F11R: variants seen among roughly 807,000 people sequenced by gnomAD.
F11R encodes the protein junctional adhesion molecule A.
In F11R, 27 loss-of-function variants were observed where a neutral mutation model predicts 39.3. That is an observed-to-expected ratio of 0.69 (90% CI 0.51 to 0.95). The LOEUF is 0.95. Ranked by LOEUF, F11R falls within the 40% of genes least tolerant of loss-of-function variation. The probability of loss-of-function intolerance (pLI) is 0.00; values close to 1 mark genes in which losing one functional copy is unlikely to be tolerated. For missense variants in F11R, 335 were observed against 372.7 expected, an observed-to-expected ratio of 0.90 and a Z score of 0.83; for synonymous variants, 131 against 144.9, an observed-to-expected ratio of 0.90 and a Z score of 0.69.
Position 160,996,697 on chromosome 1 carries a change from CGGA to C in F11R, c.*2171_*2173del, listed in dbSNP as rs1648144394. ...AGGAGAATGGCTTGAACCCGGGAGGCGGAGGTTACAGTGAGCCAAGATCATACC... is the reference window on the plus strand; with the variant it reads ...AGGAGAATGGCTTGAACCCGGGAGGCGGTTACAGTGAGCCAAGATCATACC... On this transcript the variant is annotated 3_prime_UTR_variant, in exon 10 of 10. Transcript: ENST00000368026. The C allele has an allele frequency of 6.6e-6, 1 of 152,100 alleles. No homozygotes were observed. The highest frequency in any genetic ancestry group is 2.1e-4 in the South Asian group (1 of 4,832). 9.4% of individuals were successfully genotyped at this position (152,100 alleles called of 1,614,324 possible).
At chr1:161,004,378 G>T (rs960951526) in intron 1 of F11R, among the ~76,000 whole-genome samples, 1 of 152,136 alleles carries the variant, frequency 6.6e-6, no homozygotes, top group Non-Finnish European at 1.5e-5. Context: ...TGGCCAACGT[G>T]GCGAAACCTT....
Position 160,999,616 on chromosome 1 carries a change from G to A in F11R, c.802+24C>T, listed in dbSNP as rs773698753. The A allele has an allele frequency of 1.9e-6, 3 of 1,602,734 alleles. No homozygotes were observed. In the African/African-American group the frequency reaches 4.0e-5, roughly 21 times the overall value. On this transcript the variant is annotated intron_variant, in intron 7 of 9. Transcript: ENST00000368026. ...CCTGGGATGGGGGCAGTACAAAGGAGAGCCTCTGGGGGCAGATACTTACTG... is the reference window on the plus strand; with the variant it reads ...CCTGGGATGGGGGCAGTACAAAGGAAAGCCTCTGGGGGCAGATACTTACTG...
Position 160,999,872 on chromosome 1 carries a change from T to C in F11R, c.694+4A>G. On this transcript the variant is annotated splice_donor_region_variant and intron_variant, in intron 6 of 9. Transcript: ENST00000368026. ...CAGGTCTGGGCTCAAGCCCTAACTC[T>C]CACCAGCTTCCATGCGCACAGCATT... 6.2e-7 allele frequency: 1 copy of C among 1,613,948 alleles called. No homozygotes were observed. The highest frequency in any genetic ancestry group is 8.5e-7 in the Non-Finnish European group (1 of 1,179,916).
At chr1:161,001,220 C>G in intron 2 of F11R, 65 bp downstream of exon 2, 1 of 1,600,208 alleles carries the variant, frequency 6.2e-7, no homozygotes, top group Non-Finnish European at 8.6e-7. Flanking sequence ...GCTGGGTGCT[C>G]TCTAGATCCC....
rs1339616989 is a variant in F11R, at chr1:160,996,825, A to G, written c.*2046T>C. On this transcript the variant is annotated 3_prime_UTR_variant, in exon 10 of 10. Coordinates refer to ENST00000368026, the MANE Select transcript of F11R (RefSeq NM_016946.6). ...AAACTCATCTTTACTGAACCATTTCATAAGCTCTACTTTATTTGTCTAGTT... is the reference window on the plus strand; with the variant it reads ...AAACTCATCTTTACTGAACCATTTCGTAAGCTCTACTTTATTTGTCTAGTT... 6.6e-6 allele frequency: 1 copy of G among 152,346 alleles called. No homozygotes were observed. Among genetic ancestry groups the G allele is most frequent in the Admixed American group, 6.6e-5 (1 of 15,264 alleles). The allele number at this position is 152,346 out of a possible 1,614,324, so 9.4% of individuals were successfully genotyped here.
At position 161,000,291 on chromosome 1, in the gene F11R, GC is replaced by G; in HGVS notation, c.445del (p.Ala149GlnfsTer3). The G allele has an allele frequency of 6.2e-7, 1 of 1,614,156 alleles. No individual in the cohort carries two copies. The highest frequency in any genetic ancestry group is 8.5e-7 in the Non-Finnish European group (1 of 1,180,030). ...ATCTTGTTCTGAGCATGTCAGCACT[GC>G]CCGGTTCCCAATGGTGGCAGAGGAG... ...IPSSATIGNR[A>X]VLTCSEQDGS... On this transcript the variant is annotated frameshift_variant, in exon 5 of 10. Coordinates refer to ENST00000368026, the MANE Select transcript of F11R (RefSeq NM_016946.6). LOFTEE classifies it high-confidence loss of function.
intron 1 of F11R, among the ~76,000 whole-genome samples, chr1:161,014,066 C>T (rs1172970791): frequency 6.6e-6 from 1 of 152,232 alleles, no homozygotes; most frequent in Non-Finnish European, 1.5e-5. Context: ...TGTGTATCCA[C>T]TCTCACAGTA....
intron 3 of F11R, 119 bp downstream of exon 3, chr1:161,000,901 A>G: frequency 6.8e-7 from 1 of 1,473,276 alleles, no homozygotes; most frequent in Non-Finnish European, 9.4e-7. Context: ...TAGGAAGGCC[A>G]TGAGGACTTC....
chr1:161,003,760 GTATTAT>G (rs1271873461), intron 1 of F11R, among the ~76,000 whole-genome samples: 1 of 151,374 alleles, frequency 6.6e-6, no homozygotes, highest in Non-Finnish European at 1.5e-5. Context: ...CTAGTTTTTT[GTATTAT>G]TATTATTATT....
chr1:161,001,443 C>T, intron 1 of F11R, 90 bp from the exon 2 acceptor site: 1 of 1,072,370 alleles, frequency 9.3e-7, no homozygotes, highest in Non-Finnish European at 1.4e-6. Context: ...CAGGGCTTCT[C>T]CATTCACAGA....
At chr1:161,003,140 T>TTTTG (rs1648591764) in intron 1 of F11R, among the ~76,000 whole-genome samples, 3 of 149,162 alleles carry the variant, frequency 2.0e-5, no homozygotes, top group Non-Finnish European at 3.0e-5. Context: ...TTTTTTTTTT[T>TTTTG]GAGACAGAGT....
chr1:161,015,403 A>ATATAT (rs1395106436), intron 1 of F11R, among the ~76,000 whole-genome samples: 39 of 132,994 alleles, frequency 2.9e-4, no homozygotes, highest in African/African-American at 1.0e-3. Context: ...ATCTCAAAAA[A>ATATAT]AAAAATATAT....
chr1:161,011,041 G>C (rs559429586), intron 1 of F11R, among the ~76,000 whole-genome samples: 1 of 143,168 alleles, frequency 7.0e-6, no homozygotes, highest in Admixed American at 7.0e-5. Flanking sequence ...TTCATTGTTC[G>C]TTTTTTTTGG....
intron 1 of F11R, among the ~76,000 whole-genome samples, chr1:161,016,844 A>C (rs946083766): frequency 3.3e-5 from 5 of 152,170 alleles, no homozygotes; most frequent in Non-Finnish European, 7.4e-5. Context: ...GTGTGGGGAA[A>C]AGCAAGAGAG....
At chr1:161,003,850 C>T (rs867136305) in intron 1 of F11R, among the ~76,000 whole-genome samples, 12 of 151,974 alleles carry the variant, frequency 7.9e-5, no homozygotes, top group Admixed American at 6.6e-4. Context: ...CCACAACCTC[C>T]GCCTCCCAGG....
Position 160,998,740 on chromosome 1 carries a change from G to A in F11R, c.*131C>T, listed in dbSNP as rs1016083307. 1.3e-5 allele frequency: 11 copies of A among 826,286 alleles called. No individual in the cohort carries two copies. Among genetic ancestry groups the A allele is most frequent in the African/African-American group, 5.1e-5 (3 of 58,272 alleles). 51.2% of individuals were successfully genotyped at this position (826,286 alleles called of 1,614,324 possible). On this transcript the variant is annotated 3_prime_UTR_variant, in exon 10 of 10. Coordinates refer to ENST00000368026, the MANE Select transcript of F11R (RefSeq NM_016946.6). ...AGCTGACATTATTAAAAACACATCC[G>A]AAGAAGTAGGGGGCCCTGTGGGGTG...
At chr1:161,011,557 C>A (rs1377730103) in intron 1 of F11R, among the ~76,000 whole-genome samples, 2 of 151,806 alleles carry the variant, frequency 1.3e-5, no homozygotes, top group East Asian at 3.9e-4. Flanking sequence ...GGTGAAACCC[C>A]ATCTCTACTA....
intron 8 of F11R, 135 bp downstream of exon 8, chr1:160,999,261 G>A: frequency 2.1e-6 from 3 of 1,436,840 alleles, no homozygotes; most frequent in South Asian, 2.3e-5. Context: ...CAGAGAAAGG[G>A]CTGGATATCC....
In F11R at chr1:161,000,710, G is replaced by C. The variant is rs753979708; in HGVS notation, c.309C>G (p.Asp103Glu). The C allele has an allele frequency of 2.5e-6, 4 of 1,614,038 alleles. No individual in the cohort carries two copies. The highest frequency in any genetic ancestry group is 3.4e-6 in the Non-Finnish European group (4 of 1,180,030). The change falls in exon 4 of 10, where the codon GAC becomes GAG. Residue 103 changes from aspartate to glutamate, a missense_variant. Asp to Glu is a conservative substitution (Grantham distance 45, BLOSUM62 2). Transcript: ENST00000368026. ...GITFKSVTRE[D>E]TGTYTCMVSE... is the part of the protein sequence containing the mutation. ...AGACCATACAAGTGTATGTCCCAGT[G>C]TCTTCCCGTGTCACGGACTTGAAGG...
Sources: gnomAD v4.1 joint callset for allele counts (sites outside exome capture counted in the v4.1 genomes callset) on GRCh38, gnomAD v4.1.1 for gene constraint, MANE v1.5 for transcripts, NCBI Gene and HGNC (gene_info 2026-07-23, HGNC 2026-07-21) for gene names.